Variants in USH2A observed in about 807,000 individuals in gnomAD.
USH2A encodes usherin, also known as Usher syndrome 2A (autosomal recessive, mild).
USH2A carries 443 observed loss-of-function variants against 538.9 expected under a neutral mutation model. The ratio of observed to expected loss-of-function variants is 0.82; its 90% CI spans 0.76 to 0.89. USH2A has a LOEUF of 0.89. Among genes scored for constraint, USH2A ranks in the 40% least tolerant of loss-of-function variants. The pLI is 0.00. For missense variants in USH2A, 6,633 were observed against 6,324.8 expected, an observed-to-expected ratio of 1.05 and a Z score of -1.65; for synonymous variants, 2,413 against 2,273.5, an observed-to-expected ratio of 1.06 and a Z score of -1.75.
In USH2A at chr1:216,422,373, T is replaced by A; in HGVS notation, c.-37A>T. On this transcript the variant is annotated 5_prime_UTR_variant, in exon 2 of 72. Coordinates refer to ENST00000307340, the MANE Select transcript of USH2A (RefSeq NM_206933.4). ...AGCATTCTCCTCCTGATAAAGCATT[T>A]CTAAATAAATAATCAGGCCCACGCC... is the stretch of plus-strand genomic sequence containing the variant. The A allele has an allele frequency of 6.2e-7, 1 of 1,612,914 alleles. No individual in the cohort carries two copies. The highest frequency in any genetic ancestry group is 8.5e-7 in the Non-Finnish European group (1 of 1,179,636).
chr1:215,821,561 T>G (rs1663015048), intron 47 of USH2A, among the ~76,000 whole-genome samples: 1 of 151,914 alleles, frequency 6.6e-6, no homozygotes, highest in Non-Finnish European at 1.5e-5. Flanking sequence ...TTCTATGGCA[T>G]GTCTATTCAC....
chr1:216,246,357 C>T (rs888460938), intron 13 of USH2A, among the ~76,000 whole-genome samples: 13 of 151,956 alleles, frequency 8.6e-5, no homozygotes, highest in Non-Finnish European at 1.5e-4. Flanking sequence ...GAAATAAATC[C>T]GATCGGCTGA....
chr1:216,295,862 T>C (rs1030860334), intron 9 of USH2A, among the ~76,000 whole-genome samples: 6 of 152,002 alleles, frequency 3.9e-5, no homozygotes, highest in African/African-American at 9.7e-5. Context: ...TATTGTTCTA[T>C]TTTAATACAG....
chr1:215,850,845 C>T (rs1663998784), intron 44 of USH2A, among the ~76,000 whole-genome samples: 1 of 152,104 alleles, frequency 6.6e-6, no homozygotes, highest in Non-Finnish European at 1.5e-5. Context: ...ATCAAGTACT[C>T]TTTCAGATCA....
Position 215,790,145 on chromosome 1 carries a change from T to C in USH2A, c.10096A>G (p.Lys3366Glu). 1 of 1,614,032 alleles carries C rather than the reference T, an allele frequency of 6.2e-7. No homozygotes were observed. The change falls in exon 51 of 72, where the codon AAG becomes GAG. Residue 3366 changes from lysine to glutamate, a missense_variant. Transcript: ENST00000307340. ...ACTCCATTACAGCATTTCTGGCTCT[T>C]TGGAATAAGTTCAGTCTCACAGCAT... is the stretch of plus-strand genomic sequence containing the variant. Reference protein sequence around the residue: ...VKCCETELIPKSQKCCNGVGY... With the variant: ...VKCCETELIPESQKCCNGVGY...
intron 56 of USH2A, 77 bp from the exon 57 acceptor site, chr1:215,759,920 A>C: frequency 1.3e-6 from 2 of 1,523,426 alleles, no homozygotes; most frequent in Non-Finnish European, 1.8e-6. Flanking sequence ...CATCCCCCCC[A>C]TGAACTGTGA....
chr1:216,205,068 T>C (rs1176214457), intron 16 of USH2A, among the ~76,000 whole-genome samples: 1 of 152,204 alleles, frequency 6.6e-6, no homozygotes, highest in African/African-American at 2.4e-5. Flanking sequence ...TTCTATAAAA[T>C]AGATCACAAT....
At chr1:215,829,236 A>G (rs1248215555) in intron 47 of USH2A, among the ~76,000 whole-genome samples, 1 of 152,204 alleles carries the variant, frequency 6.6e-6, no homozygotes. Context: ...ATTCTTCTAT[A>G]TTATTTGTGT....
intron 38 of USH2A, among the ~76,000 whole-genome samples, chr1:215,932,850 C>A (rs770115562): frequency 1.6e-4 from 25 of 151,990 alleles, no homozygotes; most frequent in South Asian, 2.1e-4. Flanking sequence ...CACTATAAAA[C>A]AATATTTTAG....
intron 38 of USH2A, among the ~76,000 whole-genome samples, chr1:215,912,489 A>ACG (rs1665824237): frequency 4.6e-5 from 1 of 21,884 alleles, no homozygotes; most frequent in African/African-American, 1.1e-4. Context: ...ATATATATAT[A>ACG]TGTGTATATA....
At chr1:215,758,534 C>G (rs1660879653) in intron 58 of USH2A, 61 bp downstream of exon 58, 2 of 1,555,956 alleles carry the variant, frequency 1.3e-6, no homozygotes, top group South Asian at 1.1e-5. Context: ...CTATTCTTAT[C>G]TCTAATTAAT....
rs1202981852 is a variant in USH2A at position 215,790,079 on chromosome 1, A to G, written c.10162T>C (p.Ser3388Pro). 1.2e-6 allele frequency: 2 copies of G among 1,613,336 alleles called. No individual in the cohort carries two copies. Among genetic ancestry groups the G allele is most frequent in the African/African-American group, 2.7e-5 (2 of 74,786 alleles). Reference sequence around the variant, plus strand: ...ATTACCTTCATCATCATTCCAGTTGAAATCTTGTCAGAGCAAACATATTTC... The same window carrying G: ...ATTACCTTCATCATCATTCCAGTTGGAATCTTGTCAGAGCAAACATATTTC... ...PLKYVCSDKI[S>P]TGMMMKETKE... The change falls in exon 51 of 72, where the codon TCA becomes CCA. Residue 3388 changes from serine (S) to proline (P), a missense_variant. Coordinates refer to ENST00000307340, the MANE Select transcript of USH2A (RefSeq NM_206933.4).
At chr1:216,089,245 G>A in intron 22 of USH2A, 106 bp from the exon 23 acceptor site, 3 of 1,224,000 alleles carry the variant, frequency 2.5e-6, no homozygotes, top group Non-Finnish European at 3.6e-6. Flanking sequence ...TTATGATCCT[G>A]ATACAAGCAT....
intron 44 of USH2A, among the ~76,000 whole-genome samples, chr1:215,856,834 T>TGTGTGTGTGG (rs1204203408): frequency 2.4e-5 from 1 of 42,244 alleles, no homozygotes; most frequent in African/African-American, 2.0e-4. Context: ...AAAAATTTGG[T>TGTGTGTGTGG]GTGTGTGTGT....
intron 11 of USH2A, among the ~76,000 whole-genome samples, chr1:216,281,374 A>G (rs1195294078): frequency 6.6e-6 from 1 of 152,138 alleles, no homozygotes; most frequent in East Asian, 1.9e-4. Flanking sequence ...ATATAAAAGG[A>G]AAAATGTTTT....
intron 38 of USH2A, 33 bp downstream of exon 38, chr1:215,934,583 A>C: frequency 6.2e-7 from 1 of 1,602,476 alleles, no homozygotes; most frequent in Non-Finnish European, 8.5e-7. Flanking sequence ...GCATTTATAT[A>C]AAATTAGATA....
At chr1:215,899,414 C>T (rs567260472) in intron 40 of USH2A, among the ~76,000 whole-genome samples, 39 of 152,278 alleles carry the variant, frequency 2.6e-4, no homozygotes, top group Non-Finnish European at 4.7e-4. Context: ...CCTCTACTTT[C>T]ATATATATGC....
chr1:216,090,375 G>A (rs1212199825), intron 22 of USH2A, among the ~76,000 whole-genome samples: 2 of 150,264 alleles, frequency 1.3e-5, no homozygotes, highest in African/African-American at 2.5e-5. Flanking sequence ...GTTCCTGTCG[G>A]GCCTCATAAA....
Position 216,198,526 on chromosome 1 carries a change from T to C in USH2A, c.3870A>G (p.Thr1290=), listed in dbSNP as rs1418613993. 1 of 1,613,940 alleles carries C rather than the reference T, an allele frequency of 6.2e-7. No individual in the cohort carries two copies. Among genetic ancestry groups the C allele is most frequent in the South Asian group, 1.1e-5 (1 of 91,076 alleles). ...MRRLRSTKET[T]SEESRVFQSS... ...TCTGAAAAACTCGACTTTCCTCAGA[T>C]GTGGTTTCTTTAGTAGATCTCAGTC... The change falls in exon 18 of 72, where the codon ACA becomes ACG. Residue 1290 remains threonine (T), a synonymous_variant. Coordinates refer to ENST00000307340, the MANE Select transcript of USH2A (RefSeq NM_206933.4).
Sources: gnomAD v4.1 joint callset for allele counts (sites outside exome capture counted in the v4.1 genomes callset) on GRCh38, gnomAD v4.1.1 for gene constraint, MANE v1.5 for transcripts, NCBI Gene and HGNC (gene_info 2026-07-23, HGNC 2026-07-21) for gene names.